Variants in ANKIB1 observed in about 807,000 individuals in gnomAD.
ANKIB1 encodes the protein ankyrin repeat and IBR domain containing 1, also known as ankyrin repeat and IBR domain-containing protein 1.
A neutral mutation model predicts 122.1 loss-of-function variants in ANKIB1; 43 were observed. That is an observed-to-expected ratio of 0.35 (90% confidence interval 0.28 to 0.45). ANKIB1 has a LOEUF of 0.45. Ranked by LOEUF, ANKIB1 falls within the 20% of genes least tolerant of loss-of-function variation. The pLI is 1.00. For synonymous variants in ANKIB1, 390 were observed against 442.0 expected (o/e 0.88, Z 1.48); for missense variants, 992 against 1,329.5 (o/e 0.75, Z 3.95).
chr7:92,317,715 T>G (rs1032392035), intron 3 of ANKIB1, among the ~76,000 whole-genome samples: 1 of 152,222 alleles, frequency 6.6e-6, no homozygotes, highest in African/African-American at 2.4e-5. Context: ...CCCGTTGTTT[T>G]GTAAGCATTC....
At chr7:92,344,932 T>G (rs1386969615) in intron 6 of ANKIB1, 46 bp from the exon 7 acceptor site, 1 of 1,468,588 alleles carries the variant, frequency 6.8e-7, no homozygotes, top group Non-Finnish European at 9.5e-7. Flanking sequence ...TTGTTCTCTT[T>G]CAGAAGTACA....
intron 11 of ANKIB1, 139 bp downstream of exon 11, chr7:92,371,746 G>A (rs1804259148): frequency 3.1e-6 from 3 of 974,952 alleles, no homozygotes; most frequent in Non-Finnish European, 4.4e-6. Context: ...AGGAGGTTGA[G>A]GCAGGAGGAT....
chr7:92,287,750 A>G (rs915628554), intron 1 of ANKIB1, among the ~76,000 whole-genome samples: 2 of 152,146 alleles, frequency 1.3e-5, no homozygotes, highest in Non-Finnish European at 2.9e-5. Context: ...AAAGGAAAAA[A>G]AAAGGCCAGG....
chr7:92,334,696 G>A (rs1439469914), intron 5 of ANKIB1, among the ~76,000 whole-genome samples: 4 of 151,646 alleles, frequency 2.6e-5, no homozygotes, highest in Non-Finnish European at 3.0e-5. Context: ...CAGAGAAAAC[G>A]TTTATAACAA....
At position 92,363,430 on chromosome 7, in the gene ANKIB1, C is replaced by T. The variant is rs932874966; in HGVS notation, c.1486+1157C>T. On this transcript the variant is annotated intron_variant, in intron 10 of 19. Transcript: ENST00000265742. ...GTCTCAAAAAAAGAAAAAAAAAATC[C>T]ACACTTACATGAGCAAAGCACATAA... Among the ~76,000 whole-genome samples the T allele has an allele frequency of 3.2e-4, 48 of 152,098 alleles. 1 individual carries two copies. The highest frequency in any genetic ancestry group is 9.9e-4 in the African/African-American group (41 of 41,540).
At chr7:92,343,325 G>T (rs1803473349) in intron 6 of ANKIB1, 93 bp downstream of exon 6, 1 of 1,170,994 alleles carries the variant, frequency 8.5e-7, no homozygotes, top group Non-Finnish European at 1.2e-6. Context: ...GTGTCTGGTT[G>T]TGTTCTTGTA....
chr7:92,298,346 G>A (rs1340786123), intron 2 of ANKIB1, among the ~76,000 whole-genome samples: 2 of 151,660 alleles, frequency 1.3e-5, no homozygotes, highest in Non-Finnish European at 2.9e-5. Context: ...AATATTATAT[G>A]TGATTAATTA....
chr7:92,373,679 A>G (rs1804321361), intron 11 of ANKIB1, among the ~76,000 whole-genome samples: 1 of 152,200 alleles, frequency 6.6e-6, no homozygotes, highest in African/African-American at 2.4e-5. Context: ...GTGTAACAAC[A>G]TGGTCATGTG....
At chr7:92,272,183 G>A (rs1006868523) in intron 1 of ANKIB1, among the ~76,000 whole-genome samples, 1 of 152,046 alleles carries the variant, frequency 6.6e-6, no homozygotes, top group Admixed American at 6.6e-5. Context: ...TTTGTGTTAT[G>A]TATATTTTAC....
intron 10 of ANKIB1, 112 bp from the exon 11 acceptor site, chr7:92,371,365 T>C: frequency 1.1e-6 from 1 of 898,122 alleles, no homozygotes; most frequent in African/African-American, 1.7e-5. Flanking sequence ...AAAATAAATA[T>C]TTTATTAAAA....
intron 3 of ANKIB1, among the ~76,000 whole-genome samples, chr7:92,316,019 C>G (rs1197043236): frequency 6.6e-6 from 1 of 152,064 alleles, no homozygotes; most frequent in Admixed American, 6.6e-5. Context: ...TCTCTTAAAG[C>G]CCCCTACCCC....
intron 4 of ANKIB1, among the ~76,000 whole-genome samples, chr7:92,325,439 G>T (rs762537613): frequency 5.9e-5 from 9 of 152,196 alleles, no homozygotes; most frequent in Non-Finnish European, 4.4e-5. Flanking sequence ...AAGCTGAAAT[G>T]AAGGGAAAGG....
At chr7:92,382,510 G>A (rs1297975771) in intron 11 of ANKIB1, among the ~76,000 whole-genome samples, 1 of 152,180 alleles carries the variant, frequency 6.6e-6, no homozygotes, top group Non-Finnish European at 1.5e-5. Flanking sequence ...CTCAGCTAAT[G>A]TAAAAGAACA....
At chr7:92,291,123 G>C (rs1178749505) in intron 1 of ANKIB1, among the ~76,000 whole-genome samples, 3 of 152,014 alleles carry the variant, frequency 2.0e-5, no homozygotes, top group African/African-American at 7.2e-5. Flanking sequence ...GCGAAACCCC[G>C]TCTCTACTAA....
At chr7:92,275,051 C>G (rs1361550948) in intron 1 of ANKIB1, among the ~76,000 whole-genome samples, 1 of 151,770 alleles carries the variant, frequency 6.6e-6, no homozygotes, top group Non-Finnish European at 1.5e-5. Context: ...TTTTTTCTTT[C>G]TTGGTTGTAG....
chr7:92,381,275 T>A (rs1421311334), intron 11 of ANKIB1, among the ~76,000 whole-genome samples: 1 of 152,186 alleles, frequency 6.6e-6, no homozygotes, highest in African/African-American at 2.4e-5. Flanking sequence ...TTGGTGTACC[T>A]GAAAGTGACG....
intron 11 of ANKIB1, 131 bp downstream of exon 11, chr7:92,371,738 G>A (rs1361943535): frequency 6.6e-6 from 7 of 1,062,378 alleles, no homozygotes; most frequent in Non-Finnish European, 9.2e-6. Flanking sequence ...AGCACTTCAG[G>A]AGGTTGAGGC....
At chr7:92,331,434 A>C (rs1803171914) in intron 5 of ANKIB1, among the ~76,000 whole-genome samples, 2 of 151,850 alleles carry the variant, frequency 1.3e-5, no homozygotes, top group Non-Finnish European at 1.5e-5. Context: ...TGCCTGGCTA[A>C]TTTTTGTATT....
Position 92,386,587 on chromosome 7 carries a change from A to G in ANKIB1, c.1696A>G (p.Thr566Ala). The G allele has an allele frequency of 1.2e-6, 2 of 1,605,620 alleles. No individual in the cohort carries two copies. The highest frequency in any genetic ancestry group is 8.5e-7 in the Non-Finnish European group (1 of 1,176,150). The change falls in exon 12 of 20, where the codon ACT becomes GCT. Residue 566 changes from threonine (T) to alanine (A), a missense_variant. Coordinates refer to ENST00000265742, the MANE Select transcript of ANKIB1 (RefSeq NM_019004.2). ...SSSTGGYYRC[T>A]RYEVIQHVEE... ...GTCCACTGGAGGTTATTACAGATGT[A>G]CTCGCTATGAAGTCATTCAACACGT...
Sources: allele counts gnomAD v4.1 joint callset (sites outside exome capture counted in the v4.1 genomes callset), GRCh38; gene constraint gnomAD v4.1.1; transcripts MANE v1.5; gene names NCBI Gene and HGNC (gene_info 2026-07-23, HGNC 2026-07-21).